ANKZF1: variants seen among roughly 807,000 people sequenced by gnomAD.
ANKZF1 encodes the protein ankyrin repeat and zinc finger peptidyl tRNA hydrolase 1, also known as tRNA endonuclease ANKZF1.
A neutral mutation model predicts 86.0 loss-of-function variants in ANKZF1; 84 were observed. The ratio of observed to expected loss-of-function variants is 0.98; its 90% confidence interval spans 0.82 to 1.17. The LOEUF is 1.17. ANKZF1 is among the 50% of genes most tolerant of loss of function. The probability of loss-of-function intolerance (pLI) is 0.00; values close to 1 mark genes in which losing one functional copy is unlikely to be tolerated. For synonymous variants in ANKZF1, 331 were observed against 354.2 expected, an observed-to-expected ratio of 0.93 and a Z score of 0.74; for missense variants, 893 against 918.4, an observed-to-expected ratio of 0.97 and a Z score of 0.36.
At position 219,233,115 on chromosome 2, in the gene ANKZF1, C is replaced by T. The variant is rs1038246832; in HGVS notation, c.595C>T (p.Leu199=). 1.2e-6 allele frequency: 2 copies of T among 1,614,024 alleles called. No homozygotes were observed. Among genetic ancestry groups the T allele is most frequent in the Non-Finnish European group, 1.7e-6 (2 of 1,180,030 alleles). ...PEEAELLLQN[L]QSRGPRDCVV... ...AGAGGCAGAACTGCTGCTACAGAAC[C>T]TGCAAAGTAGAGGTCCCAGAGACTG... The change falls in exon 6 of 14, where the codon CTG becomes TTG. Residue 199 remains leucine, a synonymous_variant. Coordinates refer to ENST00000323348, the MANE Select transcript of ANKZF1 (RefSeq NM_018089.3).
In ANKZF1 at chr2:219,235,029, C is replaced by G; in HGVS notation, c.1408C>G (p.Gln470Glu). ...QQTQEEEPSTQSSQAVAAPLG... is the reference protein window; with the variant it reads ...QQTQEEEPSTESSQAVAAPLG... Reference sequence around the variant, plus strand: ...AACTCAAGAAGAGGAGCCTTCCACACAGTCATCCCAGGCAGTTGCTGCCCC... The same window carrying G: ...AACTCAAGAAGAGGAGCCTTCCACAGAGTCATCCCAGGCAGTTGCTGCCCC... The change falls in exon 10 of 14, where the codon CAG (glutamine) becomes GAG (glutamate). Residue 470 changes from glutamine (Q) to glutamate (E), a missense_variant. Coordinates refer to ENST00000323348, the MANE Select transcript of ANKZF1 (RefSeq NM_018089.3). 6.2e-7 allele frequency: 1 copy of G among 1,614,262 alleles called. No individual in the cohort carries two copies. Among genetic ancestry groups the G allele is most frequent in the Non-Finnish European group, 8.5e-7 (1 of 1,180,050 alleles).
In ANKZF1 at chr2:219,230,293, G is replaced by C. The variant is rs375772133; in HGVS notation, c.36G>C (p.Ala12=). 1 of 1,613,838 alleles carries C rather than the reference G, an allele frequency of 6.2e-7. No individual in the cohort carries two copies. The highest frequency in any genetic ancestry group is 8.5e-7 in the Non-Finnish European group (1 of 1,179,942). ...SPAPDAAPAP[A]SISLFDLSAD... ...CTCCAGATGCAGCCCCGGCTCCTGC[G>C]TCGATCTCCCTGTTTGACCTCAGCG... The change falls in exon 2 of 14, where the codon GCG becomes GCC. Residue 12 remains alanine (A), a synonymous_variant. Transcript: ENST00000323348.
At chr2:219,232,893 T>A in intron 5 of ANKZF1, 186 bp from the exon 6 acceptor site, 1 of 819,210 alleles carries the variant, frequency 1.2e-6, no homozygotes, top group Non-Finnish European at 1.9e-6. Flanking sequence ...CCAATTTAGG[T>A]TTGAATTGTG....
Position 219,232,269 on chromosome 2 carries a change from T to C in ANKZF1, c.271T>C (p.Tyr91His), listed in dbSNP as rs576619621. 46 of 1,614,150 alleles carry C rather than the reference T, an allele frequency of 2.8e-5. 1 individual carries two copies. In the South Asian group the frequency reaches 4.5e-4, roughly 16 times the overall value. The change falls in exon 4 of 14, where the codon TAT becomes CAT. Residue 91 changes from tyrosine (Y) to histidine (H), a missense_variant. Physicochemically the swap from Tyr to His is moderately conservative, Grantham distance 83. Coordinates refer to ENST00000323348, the MANE Select transcript of ANKZF1 (RefSeq NM_018089.3). The part of the protein sequence containing the change: ...FQNHQEQREH[Y>H]KLDWHRFNLK... ...TTTGTCTTTGTACTAGAGGGAACAT[T>C]ATAAGCTTGACTGGCATCGGTTTAA...
At chr2:219,233,622 C>T (rs1166152226) in intron 7 of ANKZF1, 93 bp from the exon 8 acceptor site, 2 of 1,442,590 alleles carry the variant, frequency 1.4e-6, no homozygotes, top group African/African-American at 2.9e-5. Context: ...CCTCTACTTT[C>T]CACCCCTTGC....
chr2:219,232,931 G>A (rs972155303), intron 5 of ANKZF1, 148 bp from the exon 6 acceptor site: 31 of 901,032 alleles, frequency 3.4e-5, no homozygotes, highest in African/African-American at 5.0e-5. Flanking sequence ...TGACTGCCTC[G>A]CCAAGCCTCA....
chr2:219,235,518 C>G lies in ANKZF1; in HGVS notation c.1736C>G (p.Ser579Ter). The G allele has an allele frequency of 6.2e-7, 1 of 1,614,022 alleles. No individual in the cohort carries two copies. Among genetic ancestry groups the G allele is most frequent in the South Asian group, 1.1e-5 (1 of 91,074 alleles). The change falls in exon 11 of 14, where the codon TCA becomes TGA. Residue 579 changes from serine (S) to a stop codon, truncating the protein, a stop_gained. Coordinates refer to ENST00000323348, the MANE Select transcript of ANKZF1 (RefSeq NM_018089.3). LOFTEE classifies it high-confidence loss of function. ...CCTTATACTGTTGCGGCTGACAAAT[C>G]AACACGTAATGAGTTCCGAAGGTTC... is the stretch of plus-strand genomic sequence containing the variant. ...RPPYTVAADK[S>*]TRNEFRRFME... is the part of the protein sequence containing the mutation.
chr2:219,231,883 G>A, intron 2 of ANKZF1, 45 bp from the exon 3 acceptor site: 12 of 1,487,208 alleles, frequency 8.1e-6, no homozygotes, highest in Non-Finnish European at 1.0e-5. Context: ...TGTCACTGTG[G>A]ATTTGGGCTC....
In ANKZF1 at chr2:219,235,210, C is replaced by G. The variant is rs779260347; in HGVS notation, c.1589C>G (p.Pro530Arg). The G allele has an allele frequency of 3.7e-5, 60 of 1,613,874 alleles. No individual in the cohort carries two copies. The Middle Eastern group carries it at 2.3e-3, about 62-fold the overall frequency. Residue 530 changes from proline to arginine, a missense_variant, in exon 10 of 14, where the codon CCC becomes CGC. By Grantham distance (103) the Pro-to-Arg change is moderately radical (BLOSUM62 -2). Coordinates refer to ENST00000323348, the MANE Select transcript of ANKZF1 (RefSeq NM_018089.3). ...DPRVLSLLSAPLGSGGFTLLH... is the reference protein window; with the variant it reads ...DPRVLSLLSARLGSGGFTLLH... ...AGAGTTCTGTCTCTGCTCAGTGCCC[C>G]CTTGGGCTCCGGTGGCTTTACTCTC... is the stretch of plus-strand genomic sequence containing the variant.
rs1254538946 is a variant in ANKZF1, at chr2:219,235,743, G to A, written c.1839G>A (p.Arg613=). The A allele has an allele frequency of 3.1e-6, 5 of 1,614,028 alleles. No homozygotes were observed. The African/African-American group carries it at 4.0e-5, about 13-fold the overall frequency. The change falls in exon 12 of 14, where the codon CGG becomes CGA. Residue 613 remains arginine (R), a synonymous_variant. Transcript: ENST00000323348. ...PGPLTPEMEA[R]QATRKREQKA... ...CATTGACACCAGAAATGGAGGCACG[G>A]CAGGCTACACGGAAAAGGGAGCAGA...
At chr2:219,234,413 C>T in intron 9 of ANKZF1, 125 bp downstream of exon 9, 1 of 1,205,440 alleles carries the variant, frequency 8.3e-7, no homozygotes, top group Non-Finnish European at 1.2e-6. Flanking sequence ...TCTATCTTAG[C>T]AATTACTGAG....
chr2:219,235,907 G>A (rs1951206850), intron 12 of ANKZF1, 32 bp downstream of exon 12: 1 of 1,613,748 alleles, frequency 6.2e-7, no homozygotes, highest in Non-Finnish European at 8.5e-7. Context: ...TCCATGGCAA[G>A]GCTTCCTAGA....
At chr2:219,231,555 C>T (rs537674723) in intron 2 of ANKZF1, 20 of 223,256 alleles carry the variant, frequency 9.0e-5, no homozygotes, top group Non-Finnish European at 1.4e-4. Context: ...CCACCACACC[C>T]GGTTAATTTT....
intron 7 of ANKZF1, 40 bp downstream of exon 7, chr2:219,233,473 C>CT (rs1951107148): frequency 1.9e-6 from 3 of 1,540,272 alleles, no homozygotes; most frequent in Non-Finnish European, 1.7e-6. Context: ...CTGATCCATA[C>CT]TTTTTTTGCA....
In ANKZF1 at chr2:219,233,936, T is replaced by G; in HGVS notation, c.1041T>G (p.His347Gln). Residue 347 changes from histidine to glutamine, a missense_variant, in exon 8 of 14, where the codon CAT (histidine) becomes CAG (glutamine). Physicochemically the swap from His to Gln is conservative, Grantham distance 24. Transcript: ENST00000323348. ...QRVLHKLTTL[H>Q]VYEEDPREAV... is the part of the protein sequence containing the mutation. ...TGCTCCATAAGCTGACCACTTTGCA[T>G]GTCTATGGTGAGCCTTTGCTCCAGA... is the stretch of plus-strand genomic sequence containing the variant. 1 of 1,569,608 alleles carries G rather than the reference T, an allele frequency of 6.4e-7. No individual in the cohort carries two copies. Among genetic ancestry groups the G allele is most frequent in the Non-Finnish European group, 8.6e-7 (1 of 1,159,768 alleles).
rs1221807505 is a variant in ANKZF1, at chr2:219,232,542, G to C, written c.417G>C (p.Glu139Asp). 3 of 1,614,238 alleles carry C rather than the reference G, an allele frequency of 1.9e-6. No homozygotes were observed. Among genetic ancestry groups the C allele is most frequent in the Admixed American group, 3.3e-5 (2 of 60,034 alleles). ...AAGACTCAGACTCAGCCAGTGAGGA[G>C]GACTTGCAGACACTGGATCGGGAGA... is the stretch of plus-strand genomic sequence containing the variant. ...GSEDSDSASE[E>D]DLQTLDRERA... The change falls in exon 5 of 14, where the codon GAG becomes GAC. Residue 139 changes from glutamate (E) to aspartate (D), a missense_variant. Physicochemically the swap from Glu to Asp is conservative, Grantham distance 45. Coordinates refer to ENST00000323348, the MANE Select transcript of ANKZF1 (RefSeq NM_018089.3).
chr2:219,230,508 T>C, intron 2 of ANKZF1, 103 bp downstream of exon 2: 1 of 1,378,308 alleles, frequency 7.3e-7, no homozygotes, highest in Non-Finnish European at 9.7e-7. Context: ...AGGAGGCCAA[T>C]TGATTTATCT....
intron 5 of ANKZF1, 130 bp downstream of exon 5, chr2:219,232,813 A>G (rs1574847287): frequency 6.6e-6 from 7 of 1,057,128 alleles, no homozygotes; most frequent in East Asian, 2.5e-5. Context: ...GCTTGACAAC[A>G]TAGTCTTGAA....
Position 219,233,369 on chromosome 2 carries a change from G to A in ANKZF1, c.755G>A (p.Arg252Gln), listed in dbSNP as rs776295407. ...RGTAQGLRDARGGPSHSAGAN... is the reference protein window; with the variant it reads ...RGTAQGLRDAQGGPSHSAGAN... ...ACAGCCCAGGGGCTTCGGGATGCCC[G>A]AGGTGGGCCATCACACTCTGCTGGA... Residue 252 changes from arginine (R) to glutamine (Q), a missense_variant, in exon 7 of 14, where the codon CGA (arginine) becomes CAA (glutamine). Arg to Gln is a conservative substitution (Grantham distance 43, BLOSUM62 1). Transcript: ENST00000323348. The A allele has an allele frequency of 1.4e-5, 23 of 1,614,114 alleles. No individual in the cohort carries two copies. Among genetic ancestry groups the A allele is most frequent in the Middle Eastern group, 3.3e-4 (2 of 6,084 alleles).
Sources: gnomAD v4.1 joint callset for allele counts on GRCh38, gnomAD v4.1.1 for gene constraint, MANE v1.5 for transcripts, NCBI Gene and HGNC (gene_info 2026-07-23, HGNC 2026-07-21) for gene names.